The following AASS variants were observed in gnomAD, a reference collection of about 807,000 sequenced individuals.
The protein encoded by AASS is aminoadipate-semialdehyde synthase.
In AASS, 86 loss-of-function variants were observed where a neutral mutation model predicts 105.4. The ratio of observed to expected loss-of-function variants is 0.82; its 90% CI spans 0.69 to 0.98. The LOEUF is 0.98. Among genes scored for constraint, AASS ranks in the 50% least tolerant of loss-of-function variants. AASS has a pLI of 0.00. For missense variants in AASS, 1,048 were observed against 1,143.2 expected (o/e 0.92, Z 1.20); for synonymous variants, 381 against 394.8 (o/e 0.96, Z 0.41).
chr7:122,093,883 T>C (rs1202180343), intron 15 of AASS, among the ~76,000 whole-genome samples: 1 of 152,054 alleles, frequency 6.6e-6, no homozygotes, highest in Non-Finnish European at 1.5e-5. Context: ...GTAGTACATA[T>C]ACACCATTGA....
At chr7:122,079,126 T>C in intron 21 of AASS, 176 bp from the exon 22 acceptor site, 5 of 1,500,430 alleles carry the variant, frequency 3.3e-6, no homozygotes, top group Non-Finnish European at 4.4e-6. Flanking sequence ...TGTTTTAACC[T>C]TCAGAATCTT....
intron 11 of AASS, among the ~76,000 whole-genome samples, chr7:122,108,719 C>T (rs542837774): frequency 1.3e-5 from 2 of 152,030 alleles, no homozygotes; most frequent in Non-Finnish European, 2.9e-5. Context: ...TAACATCATA[C>T]TGATCATGGA....
Position 122,091,829 on chromosome 7 carries a change from AAT to A in AASS, c.1888_1889del (p.Ile630PhefsTer10), listed in dbSNP as rs1375966669. Reference protein sequence around the residue: ...KEVGATIESYISYCGGLPAPE... With the variant: ...KEVGATIESYXSYCGGLPAPE... ...GGGCTGGAAGCCCACCACAGTAGGA[AAT>A]ATATGATTCAATCTATAAATTAAAG... On this transcript the variant is annotated frameshift_variant, in exon 18 of 24. Coordinates refer to ENST00000417368, the MANE Select transcript of AASS (RefSeq NM_005763.4). LOFTEE classifies it high-confidence loss of function. 6.2e-7 allele frequency: 1 copy of A among 1,607,716 alleles called. No homozygotes were observed. Among genetic ancestry groups the A allele is most frequent in the South Asian group, 1.1e-5 (1 of 90,862 alleles).
intron 6 of AASS, among the ~76,000 whole-genome samples, chr7:122,117,528 G>A (rs189932629): frequency 2.6e-5 from 4 of 152,214 alleles, no homozygotes; most frequent in Admixed American, 6.5e-5. Context: ...AATGGTTATC[G>A]TGAGGTCACT....
intron 19 of AASS, chr7:122,082,872 A>G (rs542316025): frequency 7.8e-7 from 1 of 1,288,992 alleles, no homozygotes; most frequent in Admixed American, 2.3e-5. Flanking sequence ...ATTCCAATCC[A>G]TTATTCAGCA....
In AASS at chr7:122,126,745, C is replaced by T. The variant is rs371336317; in HGVS notation, c.388-286G>A. Among the ~76,000 whole-genome samples the T allele has an allele frequency of 4.6e-5, 7 of 152,162 alleles. No homozygotes were observed. The East Asian group carries it at 1.4e-3, about 29-fold the overall frequency. Reference sequence around the variant, plus strand: ...GGTAGAATTTCCTTTACCTTTCTGCCCCGACCCACCCAGCACCATCTATAA... The same window carrying T: ...GGTAGAATTTCCTTTACCTTTCTGCTCCGACCCACCCAGCACCATCTATAA... On this transcript the variant is annotated intron_variant, in intron 3 of 23. Transcript: ENST00000417368.
At position 122,098,942 on chromosome 7, in the gene AASS, C is replaced by G. The variant is rs916882271; in HGVS notation, c.1407-76G>C. The G allele has an allele frequency of 2.9e-6, 4 of 1,400,636 alleles. No homozygotes were observed. The Admixed American group carries it at 1.0e-4, about 36-fold the overall frequency. The allele number at this position is 1,400,636 out of a possible 1,614,324, so 86.8% of individuals were successfully genotyped here. On this transcript the variant is annotated intron_variant, in intron 13 of 23. Coordinates refer to ENST00000417368, the MANE Select transcript of AASS (RefSeq NM_005763.4). ...TTTTTTTTTAAATAACAGAATCTTG[C>G]ATTCCACAAATCATACTAAAACCTA...
rs60785177 is a variant in AASS at position 122,138,069 on chromosome 7, G to A, written c.-15-4328C>T. Among the ~76,000 whole-genome samples the A allele has an allele frequency of 4.1e-3, 630 of 152,302 alleles. 7 individuals carry two copies. Among genetic ancestry groups the A allele is most frequent in the African/African-American group, 0.014 (596 of 41,576 alleles). On this transcript the variant is annotated intron_variant, in intron 1 of 23. Coordinates refer to ENST00000417368, the MANE Select transcript of AASS (RefSeq NM_005763.4). ...ACCCTTCCTCTGATGAATTGTAACA[G>A]TCTTCCCTTTGTTACATGAAGGTTA...
At position 122,110,178 on chromosome 7, in the gene AASS, G is replaced by C. The variant is rs1794865841; in HGVS notation, c.1278+2940C>G. ...AGAAAACAGAAAATGATATAAAATAGAGATGATCACCAAAGTTGAACTGAT... is the reference window on the plus strand; with the variant it reads ...AGAAAACAGAAAATGATATAAAATACAGATGATCACCAAAGTTGAACTGAT... On this transcript the variant is annotated intron_variant, in intron 11 of 23. Coordinates refer to ENST00000417368, the MANE Select transcript of AASS (RefSeq NM_005763.4). Among the ~76,000 whole-genome samples the C allele has an allele frequency of 3.3e-5, 5 of 151,942 alleles. No homozygotes were observed. The South Asian group carries it at 1.0e-3, about 31-fold the overall frequency.
At position 122,076,596 on chromosome 7, in the gene AASS, C is replaced by T; in HGVS notation, c.2674G>A (p.Ala892Thr). 15 of 1,609,696 alleles carry T rather than the reference C, an allele frequency of 9.3e-6. No homozygotes were observed. Among genetic ancestry groups the T allele is most frequent in the Non-Finnish European group, 1.3e-5 (15 of 1,176,024 alleles). ...AKMLLDGEIG[A>T]KGLMGPFSKE... ...GAAAAGGGCCCCATTAGGCCTTTGG[C>T]TCCAATTTCACCTGGAAGAAAATAA... Residue 892 changes from alanine (A) to threonine (T), a missense_variant, in exon 24 of 24, where the codon GCC becomes ACC. Physicochemically the swap from Ala to Thr is moderately conservative, Grantham distance 58. Coordinates refer to ENST00000417368, the MANE Select transcript of AASS (RefSeq NM_005763.4).
At chr7:122,094,794 C>T (rs953401658) in intron 15 of AASS, among the ~76,000 whole-genome samples, 7 of 151,120 alleles carry the variant, frequency 4.6e-5, no homozygotes, top group East Asian at 2.0e-4. Context: ...ACCTTTACAC[C>T]GATCAACACC....
intron 2 of AASS, among the ~76,000 whole-genome samples, chr7:122,133,282 C>A (rs1279624304): frequency 1.3e-5 from 2 of 152,048 alleles, no homozygotes; most frequent in Non-Finnish European, 2.9e-5. Flanking sequence ...GTCTTATCCC[C>A]CTAGTCCCAG....
intron 1 of AASS, among the ~76,000 whole-genome samples, chr7:122,134,307 AC>A (rs751790512): frequency 1.3e-5 from 2 of 152,214 alleles, no homozygotes; most frequent in Non-Finnish European, 2.9e-5. Flanking sequence ...AAACTGGTTC[AC>A]AATTAGATGT....
intron 20 of AASS, among the ~76,000 whole-genome samples, chr7:122,080,878 A>ATACATTT (rs1793283233): frequency 1.3e-5 from 2 of 152,180 alleles, no homozygotes; most frequent in African/African-American, 4.8e-5. Context: ...TGGCATTTCT[A>ATACATTT]CTGGAATACA....
rs73426013 is a variant in AASS at position 122,115,551 on chromosome 7, C to G, written c.895-329G>C. The stretch of plus-strand genomic sequence containing the variant: ...TGGACCTAAAATTATATTTCCAGCT[C>G]TAATATCAGTAGGGTATGACCTAAA... On this transcript the variant is annotated intron_variant, in intron 8 of 23. Transcript: ENST00000417368. Among the ~76,000 whole-genome samples the G allele has an allele frequency of 4.1e-3, 625 of 152,232 alleles. 7 individuals carry two copies. Among genetic ancestry groups the G allele is most frequent in the African/African-American group, 0.014 (595 of 41,550 alleles).
intron 4 of AASS, among the ~76,000 whole-genome samples, chr7:122,125,588 A>C (rs978839859): frequency 2.0e-5 from 3 of 152,186 alleles, no homozygotes; most frequent in African/African-American, 7.2e-5. Flanking sequence ...TTGGCTAGCA[A>C]CTTAGAACTT....
At chr7:122,081,791 C>T (rs1793342631) in intron 19 of AASS, 196 bp from the exon 20 acceptor site, 1 of 578,282 alleles carries the variant, frequency 1.7e-6, no homozygotes. Flanking sequence ...CCCCACAACC[C>T]ACCAAAAAAG....
At chr7:122,134,258 A>G (rs1179445611) in intron 1 of AASS, among the ~76,000 whole-genome samples, 1 of 152,202 alleles carries the variant, frequency 6.6e-6, no homozygotes, top group Non-Finnish European at 1.5e-5. Flanking sequence ...AGTGAACTGC[A>G]CTGAACTGTT....
chr7:122,140,817 G>A (rs567304625), intron 1 of AASS, among the ~76,000 whole-genome samples: 53 of 150,538 alleles, frequency 3.5e-4, no homozygotes, highest in African/African-American at 1.2e-3. Context: ...GTCTTTAGAT[G>A]AAGAAAATAA....
Sources: gnomAD v4.1 joint callset for allele counts (sites outside exome capture counted in the v4.1 genomes callset) on GRCh38, gnomAD v4.1.1 for gene constraint, MANE v1.5 for transcripts, NCBI Gene and HGNC (gene_info 2026-07-23, HGNC 2026-07-21) for gene names.